The following LGI2 variants were observed in gnomAD, a reference collection of about 807,000 sequenced individuals.
LGI2 encodes the protein leucine-rich repeat LGI family member 2.
In LGI2, 30 loss-of-function variants were observed where a neutral mutation model predicts 52.0. That is an observed-to-expected ratio of 0.58 (90% confidence interval 0.43 to 0.78). The LOEUF (loss-of-function observed/expected upper bound fraction) is 0.78. Among genes scored for constraint, LGI2 ranks in the 30% least tolerant of loss-of-function variants. LGI2 has a pLI of 0.00. For synonymous variants in LGI2, 270 were observed against 271.8 expected (o/e 0.99, Z 0.06); for missense variants, 573 against 692.5 (o/e 0.83, Z 1.94).
Position 25,028,571 on chromosome 4 carries a change from C to T in LGI2, c.205G>A (p.Val69Ile). ...VPGDISSLSL[V>I]NGTFSEIKDR... ...TTGATTTCTGAAAACGTCCCATTTA[C>T]CAGGCTCCTACGGGCAAAAGATGAA... The change falls in exon 2 of 8, where the codon GTA (valine) becomes ATA (isoleucine). Residue 69 changes from valine to isoleucine, a missense_variant. Val to Ile is a conservative substitution (Grantham distance 29). Coordinates refer to ENST00000382114, the MANE Select transcript of LGI2 (RefSeq NM_018176.4). 6.2e-7 allele frequency: 1 copy of T among 1,612,778 alleles called. No individual in the cohort carries two copies. Among genetic ancestry groups the T allele is most frequent in the Non-Finnish European group, 8.5e-7 (1 of 1,179,514 alleles).
At position 25,004,056 on chromosome 4, in the gene LGI2, T is replaced by C. The variant is rs1158162314; in HGVS notation, c.1033A>G (p.Ser345Gly). ...DDETFFVIADSSKAGLSTVYK... is the reference protein window; with the variant it reads ...DDETFFVIADGSKAGLSTVYK... ...ACTGTGGACAGACCAGCCTTTGAGC[T>C]GTCTGCGATGACAAAGAACGTCTCG... Residue 345 changes from serine to glycine, a missense_variant, in exon 8 of 8, where the codon AGC (serine) becomes GGC (glycine). Ser to Gly is a moderately conservative substitution (Grantham distance 56). Coordinates refer to ENST00000382114, the MANE Select transcript of LGI2 (RefSeq NM_018176.4). The surrounding 1 kb of genome is among the most constrained non-coding windows in gnomAD (Gnocchi z 4.6). The C allele has an allele frequency of 1.9e-6, 3 of 1,614,122 alleles. No individual in the cohort carries two copies. Among genetic ancestry groups the C allele is most frequent in the East Asian group, 2.2e-5 (1 of 44,900 alleles).
intron 5 of LGI2, 45 bp downstream of exon 5, chr4:25,019,119 AACT>A (rs1725865017): frequency 2.6e-6 from 3 of 1,134,700 alleles, no homozygotes; most frequent in Non-Finnish European, 4.0e-6. Context: ...AGACATGATT[AACT>A]GGGGCACAAT....
At chr4:25,017,096 C>CA in intron 6 of LGI2, among the ~76,000 whole-genome samples, 1 of 152,292 alleles carries the variant, frequency 6.6e-6, no homozygotes, top group East Asian at 1.9e-4. Flanking sequence ...CCCTGGAAAA[C>CA]AAAATCAAGC....
chr4:25,026,502 A>T (rs1296779736), intron 3 of LGI2, among the ~76,000 whole-genome samples: 1 of 152,194 alleles, frequency 6.6e-6, no homozygotes, highest in Non-Finnish European at 1.5e-5. Flanking sequence ...AAAAATAAGT[A>T]ACCCTCAGAA....
chr4:25,022,461 C>G (rs944614791), intron 4 of LGI2, among the ~76,000 whole-genome samples: 1 of 152,052 alleles, frequency 6.6e-6, no homozygotes. Flanking sequence ...TAGGCTTGAC[C>G]GCGGGGTGGT....
At chr4:25,021,930 C>CAA (rs35526176) in intron 4 of LGI2, among the ~76,000 whole-genome samples, 2,290 of 76,298 alleles carry the variant, frequency 0.03, 106 homozygotes, top group African/African-American at 0.068. Flanking sequence ...GATTCCATCT[C>CAA]AAAAAAAAAA....
At chr4:25,028,971 G>T (rs1031512085) in intron 1 of LGI2, among the ~76,000 whole-genome samples, 3 of 152,156 alleles carry the variant, frequency 2.0e-5, no homozygotes, top group African/African-American at 7.2e-5. Flanking sequence ...AAATGCTGGG[G>T]TAGGATTAAG....
chr4:25,030,586 G>C lies in LGI2; in HGVS notation c.108C>G (p.Cys36Trp). 6.4e-7 allele frequency: 1 copy of C among 1,572,374 alleles called. No individual in the cohort carries two copies. The highest frequency in any genetic ancestry group is 8.6e-7 in the Non-Finnish European group (1 of 1,160,642). Reference sequence around the variant, plus strand: ...CCTTGGTACAGCTGCAAGTGGCGGGGCAGCGCGCCAGCCGCCTCACCTGCG... The same window carrying C: ...CCTTGGTACAGCTGCAAGTGGCGGGCCAGCGCGCCAGCCGCCTCACCTGCG... ...RSAQVRRLAR[C>W]PATCSCTKES... Residue 36 changes from cysteine (C) to tryptophan (W), a missense_variant, in exon 1 of 8, where the codon TGC becomes TGG. Transcript: ENST00000382114.
At chr4:25,006,614 C>A (rs1725399027) in intron 7 of LGI2, among the ~76,000 whole-genome samples, 2 of 152,120 alleles carry the variant, frequency 1.3e-5, no homozygotes, top group South Asian at 4.1e-4. Flanking sequence ...TTTACCAGAG[C>A]AAATTTTGAA....
intron 7 of LGI2, among the ~76,000 whole-genome samples, chr4:25,005,483 ATTCCACAATGTATACATAT>A (rs1203731784): frequency 1.3e-5 from 2 of 152,152 alleles, no homozygotes; most frequent in African/African-American, 4.8e-5. Context: ...TGATTTAGCC[ATTCCACAATGTATACATAT>A]TTCAAAACAA....
chr4:25,012,344 T>A lies in LGI2; in HGVS notation c.811A>T (p.Asn271Tyr), dbSNP rs750274173. ...HIEMNFRSYD[N>Y]ITGQSIVGCK... Reference sequence around the variant, plus strand: ...CAAAGCCACAACACACCTGTAATGTTGTCATAGCTCCGGAAATTCATTTCA... The same window carrying A: ...CAAAGCCACAACACACCTGTAATGTAGTCATAGCTCCGGAAATTCATTTCA... The change falls in exon 7 of 8, where the codon AAC becomes TAC. Residue 271 changes from asparagine to tyrosine, a missense_variant. Coordinates refer to ENST00000382114, the MANE Select transcript of LGI2 (RefSeq NM_018176.4). The A allele has an allele frequency of 1.2e-6, 2 of 1,614,120 alleles. No individual in the cohort carries two copies. Among genetic ancestry groups the A allele is most frequent in the African/African-American group, 2.7e-5 (2 of 74,944 alleles).
intron 3 of LGI2, among the ~76,000 whole-genome samples, chr4:25,025,789 C>T (rs1236710793): frequency 2.0e-5 from 3 of 152,154 alleles, no homozygotes; most frequent in East Asian, 3.8e-4. Flanking sequence ...GTTTTTAAAA[C>T]TGAGATGTCT....
chr4:24,998,138 A>G (rs1390676983), downstream of LGI2, among the ~76,000 whole-genome samples: 1 of 152,150 alleles, frequency 6.6e-6, no homozygotes, highest in Non-Finnish European at 1.5e-5. Context: ...GGCTTATCAA[A>G]TTGCTGGGAT....
chr4:25,005,575 GAA>G (rs33975635), intron 7 of LGI2, among the ~76,000 whole-genome samples: 6 of 145,066 alleles, frequency 4.1e-5, no homozygotes, highest in East Asian at 4.0e-4. Context: ...GTGTATCCTT[GAA>G]AAAAAAAAAG....
chr4:25,011,006 C>G (rs1192098739), intron 7 of LGI2, among the ~76,000 whole-genome samples: 3 of 150,882 alleles, frequency 2.0e-5, no homozygotes, highest in African/African-American at 7.3e-5. Context: ...CCCTTGAGCC[C>G]AGGAGTTCCA....
chr4:24,994,742 A>G (rs1422778969), downstream of LGI2, among the ~76,000 whole-genome samples: 3 of 152,138 alleles, frequency 2.0e-5, no homozygotes, highest in Non-Finnish European at 4.4e-5. Context: ...ATTCTGGCAT[A>G]TTCCCTACTT....
intron 7 of LGI2, among the ~76,000 whole-genome samples, chr4:25,011,268 CT>C (rs1211111434): frequency 6.6e-6 from 1 of 152,056 alleles, no homozygotes; most frequent in Non-Finnish European, 1.5e-5. Context: ...CCTCATCTCC[CT>C]TGTTCTTGGC....
downstream of LGI2, among the ~76,000 whole-genome samples, chr4:24,994,307 G>A (rs147557227): frequency 1.6e-3 from 247 of 152,354 alleles, 1 homozygote; most frequent in East Asian, 0.024. Flanking sequence ...TGCAGACAGA[G>A]TTAGGGAACA....
chr4:25,012,082 C>G (rs7667874), intron 7 of LGI2, among the ~76,000 whole-genome samples: 3,720 of 152,202 alleles, frequency 0.024, 141 homozygotes, highest in African/African-American at 0.085. Context: ...TAGAAAATGC[C>G]TCCCACCACA....
Sources: gnomAD v4.1 joint callset for allele counts (sites outside exome capture counted in the v4.1 genomes callset) on GRCh38, gnomAD v4.1.1 for gene constraint, Gnocchi (gnomAD v3.1) non-coding constraint, MANE v1.5 for transcripts, NCBI Gene and HGNC (gene_info 2026-07-23, HGNC 2026-07-21) for gene names.